Variants in PARVG observed in about 807,000 individuals in gnomAD.
PARVG encodes parvin gamma, also known as gamma-parvin.
A neutral mutation model predicts 44.4 loss-of-function variants in PARVG; 36 were observed. That is an observed-to-expected ratio of 0.81 (90% CI 0.62 to 1.07). The LOEUF is 1.07. Among genes scored for constraint, PARVG ranks in the 50% least tolerant of loss-of-function variants. The pLI, the probability that PARVG is intolerant of heterozygous loss-of-function variation, is 0.00. For synonymous variants in PARVG, 170 were observed against 174.1 expected, an observed-to-expected ratio of 0.98 and a Z score of 0.19; for missense variants, 407 against 407.4, an observed-to-expected ratio of 1.00 and a Z score of 0.01.
chr22:44,173,320 T>G, intron 1 of PARVG: 1 of 828,398 alleles, frequency 1.2e-6, no homozygotes, highest in Non-Finnish European at 1.6e-6. Context: ...GTGACGTCAC[T>G]GGGCCTTGCA....
chr22:44,183,365 C>A lies in PARVG; in HGVS notation c.36C>A (p.Leu12=). ...EPEFLYDLLQ[L]PKGVEPPAEE... ...AGTTCTTGTACGACCTGCTGCAGCT[C>A]CCCAAGGGGGTGGAGCCCCCAGCGG... Residue 12 remains leucine, a synonymous_variant, in exon 3 of 14, where the codon CTC becomes CTA. Coordinates refer to ENST00000444313, the MANE Select transcript of PARVG (RefSeq NM_022141.7). 6.2e-7 allele frequency: 1 copy of A among 1,609,758 alleles called. No individual in the cohort carries two copies. The highest frequency in any genetic ancestry group is 1.7e-5 in the Admixed American group (1 of 59,604).
intron 8 of PARVG, 65 bp from the exon 9 acceptor site, chr22:44,193,736 A>C: frequency 1.3e-6 from 2 of 1,592,600 alleles, no homozygotes; most frequent in East Asian, 4.5e-5. Context: ...TCATATTGAG[A>C]AATTGTAGGT....
At position 44,206,489 on chromosome 22, in the gene PARVG, G is replaced by A. The variant is rs2054784093; in HGVS notation, c.*63G>A. ...CCCAGCTGGAGGGCCCGAGGCTGCAGGGTGTCCTCCCACAGTCCCGCTGTT... is the reference window on the plus strand; with the variant it reads ...CCCAGCTGGAGGGCCCGAGGCTGCAAGGTGTCCTCCCACAGTCCCGCTGTT... On this transcript the variant is annotated 3_prime_UTR_variant, in exon 14 of 14. Transcript: ENST00000444313. 6.9e-7 allele frequency: 1 copy of A among 1,450,346 alleles called. No individual in the cohort carries two copies. Among genetic ancestry groups the A allele is most frequent in the Non-Finnish European group, 9.7e-7 (1 of 1,032,742 alleles). The allele number at this position is 1,450,346 out of a possible 1,614,324, so 89.8% of individuals were successfully genotyped here.
At chr22:44,184,254 A>C (rs1415479303) in intron 3 of PARVG, 1 of 152,292 alleles carries the variant, frequency 6.6e-6, no homozygotes, top group African/African-American at 2.4e-5. Flanking sequence ...ATGTGCTGAC[A>C]AAGAAAATGT....
rs1179661643 is a variant in PARVG at position 44,185,883 on chromosome 22, C to G, written c.144+11C>G. The G allele has an allele frequency of 1.2e-6, 2 of 1,611,360 alleles. No individual in the cohort carries two copies. Among genetic ancestry groups the G allele is most frequent in the African/African-American group, 1.3e-5 (1 of 74,834 alleles). On this transcript the variant is annotated intron_variant, in intron 4 of 13. Transcript: ENST00000444313. ...GAAGAACTGCAGAAGGTACAGCAGC[C>G]TCCACAGCCCTGACTTCCCTGGGTG... is the stretch of plus-strand genomic sequence containing the variant.
intron 12 of PARVG, among the ~76,000 whole-genome samples, chr22:44,201,944 G>C (rs1462242942): frequency 2.0e-5 from 3 of 152,248 alleles, no homozygotes; most frequent in Non-Finnish European, 4.4e-5. Flanking sequence ...TGGGCAGGCT[G>C]CCACTTCCAT....
At chr22:44,199,045 T>C in intron 12 of PARVG, among the ~76,000 whole-genome samples, 1 of 139,864 alleles carries the variant, frequency 7.1e-6, no homozygotes, top group Non-Finnish European at 1.5e-5. Flanking sequence ...TGACCGCCTA[T>C]TAGCCCTCCT....
exon 1 of PARVG, chr22:44,173,029 A>C: frequency 7.8e-7 from 1 of 1,289,798 alleles, no homozygotes; most frequent in Non-Finnish European, 1.0e-6. Context: ...AACAGGTGCC[A>C]GGGCGTTGTG....
intron 4 of PARVG, 126 bp from the exon 5 acceptor site, chr22:44,187,650 T>G (rs1601732737): frequency 3.6e-6 from 3 of 838,242 alleles, no homozygotes; most frequent in Non-Finnish European, 5.9e-6. Flanking sequence ...CCAGTGGAGG[T>G]GACATTTGAC....
exon 1 of PARVG, chr22:44,173,099 G>C: frequency 2.3e-6 from 3 of 1,289,702 alleles, no homozygotes; most frequent in Non-Finnish European, 3.0e-6. Context: ...GGGAAGAGCT[G>C]GTTCACAGCC....
At chr22:44,173,481 A>G (rs1301934887) in intron 1 of PARVG, among the ~76,000 whole-genome samples, 2 of 152,158 alleles carry the variant, frequency 1.3e-5, no homozygotes, top group Non-Finnish European at 2.9e-5. Context: ...TTACGAAATG[A>G]TGATAAAATT....
upstream of PARVG, among the ~76,000 whole-genome samples, chr22:44,176,181 C>T (rs34935318): frequency 6.6e-3 from 997 of 152,202 alleles, 5 homozygotes; most frequent in Non-Finnish European, 0.011. Flanking sequence ...GGAGTGAATC[C>T]GGGACCCTGG....
chr22:44,181,839 G>C lies in PARVG; in HGVS notation c.-91G>C, dbSNP rs1194377772. ...TCCCCGAAGACCCCAGAAGAACCCG[G>C]AACTTGCTTCCATTCGGAATCCAGG... On this transcript the variant is annotated 5_prime_UTR_variant, in exon 2 of 14. Coordinates refer to ENST00000444313, the MANE Select transcript of PARVG (RefSeq NM_022141.7). 2.0e-6 allele frequency: 2 copies of C among 985,384 alleles called. No individual in the cohort carries two copies. Among genetic ancestry groups the C allele is most frequent in the Non-Finnish European group, 2.4e-6 (2 of 829,988 alleles). 61.0% of individuals were successfully genotyped at this position (985,384 alleles called of 1,614,324 possible).
chr22:44,185,987 G>T (rs373096875), intron 4 of PARVG, 115 bp downstream of exon 4: 4 of 933,010 alleles, frequency 4.3e-6, no homozygotes, highest in Non-Finnish European at 6.5e-6. Flanking sequence ...AGGCTGGGGG[G>T]TGGCGACCCC....
At chr22:44,199,481 C>G (rs1239310376) in intron 12 of PARVG, among the ~76,000 whole-genome samples, 1 of 152,200 alleles carries the variant, frequency 6.6e-6, no homozygotes, top group African/African-American at 2.4e-5. Flanking sequence ...CCCTGAGGGC[C>G]TGTTTAGTGC....
At chr22:44,200,099 C>T (rs539006441) in intron 12 of PARVG, among the ~76,000 whole-genome samples, 11 of 152,314 alleles carry the variant, frequency 7.2e-5, no homozygotes, top group Admixed American at 2.0e-4. Flanking sequence ...CCTCCGCCCC[C>T]GCCAGGCCCC....
At chr22:44,198,784 G>A (rs2147236137) in intron 12 of PARVG, 62 bp downstream of exon 12, 1 of 1,300,790 alleles carries the variant, frequency 7.7e-7, no homozygotes, top group Non-Finnish European at 1.1e-6. Context: ...TACAGAACTG[G>A]CATGACCAGT....
upstream of PARVG, among the ~76,000 whole-genome samples, chr22:44,176,007 G>T (rs368201123): frequency 6.6e-6 from 1 of 152,198 alleles, no homozygotes; most frequent in Non-Finnish European, 1.5e-5. Context: ...TGGATGTTTG[G>T]TGTGTTTTCG....
At chr22:44,197,607 C>T (rs563122596) in intron 11 of PARVG, among the ~76,000 whole-genome samples, 9 of 152,296 alleles carry the variant, frequency 5.9e-5, no homozygotes, top group Admixed American at 5.2e-4. Flanking sequence ...TTCCCTCCTG[C>T]CTCCACCACT....
Sources: allele counts gnomAD v4.1 joint callset (sites outside exome capture counted in the v4.1 genomes callset), GRCh38; gene constraint gnomAD v4.1.1; transcripts MANE v1.5; gene names NCBI Gene and HGNC (gene_info 2026-07-23, HGNC 2026-07-21).